GPC5: variants seen among roughly 807,000 people sequenced by gnomAD.
The protein encoded by GPC5 is glypican-5.
A neutral mutation model predicts 53.9 loss-of-function variants in GPC5; 47 were observed. The observed-to-expected ratio is 0.87, with a 90% CI of 0.69 to 1.11. The LOEUF is 1.11. GPC5 is among the 50% of genes most tolerant of loss of function. The pLI is 0.00. For missense variants in GPC5, 748 were observed against 713.1 expected (o/e 1.05, Z -0.56); for synonymous variants, 286 against 263.3 (o/e 1.09, Z -0.84).
At chr13:92,383,764 A>T (rs2043769579) in intron 7 of GPC5, among the ~76,000 whole-genome samples, 2 of 152,300 alleles carry the variant, frequency 1.3e-5, no homozygotes, top group South Asian at 4.1e-4. Flanking sequence ...AAGTATAACT[A>T]ATAAATTATA....
At chr13:92,151,173 C>G (rs949538764) in intron 7 of GPC5, among the ~76,000 whole-genome samples, 1 of 152,006 alleles carries the variant, frequency 6.6e-6, no homozygotes, top group Non-Finnish European at 1.5e-5. Context: ...TATTATTGAA[C>G]AGAAAATTGA....
chr13:92,268,402 A>C (rs77448770), intron 7 of GPC5, among the ~76,000 whole-genome samples: 1,689 of 152,022 alleles, frequency 0.011, 41 homozygotes, highest in African/African-American at 0.038. Flanking sequence ...GATATATAAC[A>C]AAATAGGATA....
chr13:92,442,019 A>T lies in GPC5; in HGVS notation c.1561+297030A>T, dbSNP rs541687618. Among the ~76,000 whole-genome samples, 198 of 152,292 alleles carry T rather than the reference A, an allele frequency of 1.3e-3. 3 individuals carry two copies. The highest frequency in any genetic ancestry group is 0.011 in the Admixed American group (172 of 15,300). Reference sequence around the variant, plus strand: ...ATATGCATTATTTAAGAGGCAAAAAACCCAATAGTGTTTGACTCACAAAAT... The same window carrying T: ...ATATGCATTATTTAAGAGGCAAAAATCCCAATAGTGTTTGACTCACAAAAT... On this transcript the variant is annotated intron_variant, in intron 7 of 7. Transcript: ENST00000377067.
At chr13:92,500,291 A>T (rs1880134231) in intron 7 of GPC5, among the ~76,000 whole-genome samples, 1 of 151,944 alleles carries the variant, frequency 6.6e-6, no homozygotes, top group East Asian at 1.9e-4. Context: ...CCACTTACAG[A>T]CTCCCGGGAG....
At chr13:91,900,132 G>A (rs756422005) in intron 5 of GPC5, among the ~76,000 whole-genome samples, 13 of 151,592 alleles carry the variant, frequency 8.6e-5, no homozygotes, top group Admixed American at 1.3e-4. Flanking sequence ...AATTTAATTC[G>A]TGCTTGTGTC....
At chr13:92,175,688 T>C (rs918599049) in intron 7 of GPC5, among the ~76,000 whole-genome samples, 22 of 152,204 alleles carry the variant, frequency 1.4e-4, no homozygotes, top group Non-Finnish European at 2.8e-4. Flanking sequence ...TATTCTGTTC[T>C]TTATTAACTG....
chr13:92,581,077 A>G (rs573924912), intron 7 of GPC5, among the ~76,000 whole-genome samples: 132 of 152,248 alleles, frequency 8.7e-4, no homozygotes, highest in Middle Eastern at 3.4e-3. Flanking sequence ...TGTTGTGGGG[A>G]CAATTCTTAG....
chr13:92,833,010 CAAACA>C (rs893783031), intron 7 of GPC5, among the ~76,000 whole-genome samples: 1 of 151,868 alleles, frequency 6.6e-6, no homozygotes, highest in African/African-American at 2.4e-5. Flanking sequence ...CGTCTCAAAA[CAAACA>C]AAACAAAACA....
intron 7 of GPC5, chr13:92,484,712 C>T (rs1369905818): frequency 6.6e-6 from 1 of 151,950 alleles, no homozygotes; most frequent in Non-Finnish European, 1.5e-5. Flanking sequence ...GTCAGATGTG[C>T]CTTGAATAGA....
intron 6 of GPC5, among the ~76,000 whole-genome samples, chr13:91,948,765 T>C (rs1284749196): frequency 6.6e-6 from 1 of 152,208 alleles, no homozygotes; most frequent in Non-Finnish European, 1.5e-5. Context: ...CTGGGTTATA[T>C]TGGATTTCTA....
chr13:92,856,444 T>G lies in GPC5; in HGVS notation c.1562-9838T>G, dbSNP rs915144523. Among the ~76,000 whole-genome samples the G allele has an allele frequency of 2.0e-5, 3 of 151,878 alleles. No individual in the cohort carries two copies. In the East Asian group the frequency reaches 5.8e-4, roughly 29 times the overall value. ...TTAAGAAGTGAAACAAGACAAAACG[T>G]CTACTCTCTCTACTCCTATTCAATG... On this transcript the variant is annotated intron_variant, in intron 7 of 7. Coordinates refer to ENST00000377067, the MANE Select transcript of GPC5 (RefSeq NM_004466.6).
intron 7 of GPC5, among the ~76,000 whole-genome samples, chr13:92,710,990 T>C (rs1888118842): frequency 6.6e-6 from 1 of 152,210 alleles, no homozygotes; most frequent in African/African-American, 2.4e-5. Context: ...TTACTAATTA[T>C]GCTGTAGTTA....
intron 5 of GPC5, among the ~76,000 whole-genome samples, chr13:91,806,936 C>A (rs2038231420): frequency 6.6e-6 from 1 of 152,074 alleles, no homozygotes; most frequent in African/African-American, 2.4e-5. Context: ...ATTTTTGGAA[C>A]CATTTTATGG....
At chr13:92,376,800 A>C (rs2043697187) in intron 7 of GPC5, among the ~76,000 whole-genome samples, 1 of 152,024 alleles carries the variant, frequency 6.6e-6, no homozygotes, top group Admixed American at 6.6e-5. Flanking sequence ...GCGGATCACC[A>C]GGTCAGGAGT....
At chr13:92,816,957 T>C (rs1490440202) in intron 7 of GPC5, among the ~76,000 whole-genome samples, 9 of 151,952 alleles carry the variant, frequency 5.9e-5, no homozygotes, top group Admixed American at 5.9e-4. Flanking sequence ...CTACCCTCTA[T>C]AGTGATGTTC....
intron 7 of GPC5, among the ~76,000 whole-genome samples, chr13:92,513,075 G>A (rs922710113): frequency 2.0e-5 from 3 of 152,206 alleles, no homozygotes; most frequent in Admixed American, 6.5e-5. Flanking sequence ...TTGTGCTGGT[G>A]TATTGGAAAG....
intron 7 of GPC5, among the ~76,000 whole-genome samples, chr13:92,166,949 C>CTCTCTCTA (rs2042034252): frequency 1.7e-5 from 1 of 58,286 alleles, no homozygotes; most frequent in African/African-American, 5.9e-5. Flanking sequence ...CTCTCTCTCT[C>CTCTCTCTA]TCTCTCTCAC....
At chr13:91,666,720 T>C (rs2035122182) in intron 2 of GPC5, among the ~76,000 whole-genome samples, 1 of 152,164 alleles carries the variant, frequency 6.6e-6, no homozygotes, top group Non-Finnish European at 1.5e-5. Flanking sequence ...TAGCATTTTA[T>C]ACCTATTATG....
intron 7 of GPC5, among the ~76,000 whole-genome samples, chr13:92,360,715 A>G (rs1046936249): frequency 4.6e-5 from 7 of 151,756 alleles, no homozygotes; most frequent in African/African-American, 1.5e-4. Flanking sequence ...ATATGATTCT[A>G]TATCTAGAAA....
Sources: allele counts gnomAD v4.1 joint callset (sites outside exome capture counted in the v4.1 genomes callset), GRCh38; gene constraint gnomAD v4.1.1; transcripts MANE v1.5; gene names NCBI Gene and HGNC (gene_info 2026-07-23, HGNC 2026-07-21).